LRRC9: variants seen among roughly 807,000 people sequenced by gnomAD.
LRRC9 encodes leucine rich repeat containing 9, also known as leucine-rich repeat-containing protein 9.
A neutral mutation model predicts 63.2 loss-of-function variants in LRRC9; 122 were observed. The observed-to-expected ratio is 1.93, with a 90% CI of 1.67 to 2.24. The LOEUF (loss-of-function observed/expected upper bound fraction) is 2.24. Ranked by LOEUF, LRRC9 falls within the 30% of genes most tolerant of loss-of-function variation. The pLI, the probability that LRRC9 is intolerant of heterozygous loss-of-function variation, is 0.00. For synonymous variants in LRRC9, 366 were observed against 213.1 expected (o/e 1.72, Z -6.25); for missense variants, 1,071 against 627.7 (o/e 1.71, Z -7.55).
At chr14:59,941,770 C>T (rs1881791226) in intron 7 of LRRC9, among the ~76,000 whole-genome samples, 2 of 152,080 alleles carry the variant, frequency 1.3e-5, no homozygotes, top group South Asian at 4.1e-4. Context: ...GGGTAATTAC[C>T]ATATTCATCT....
chr14:59,925,242 T>G (rs983915831), intron 1 of LRRC9, among the ~76,000 whole-genome samples: 2 of 152,184 alleles, frequency 1.3e-5, no homozygotes, highest in Non-Finnish European at 2.9e-5. Flanking sequence ...GCTGCTATAA[T>G]AAAATACCTG....
exon 8 of LRRC9, chr14:59,944,712 C>A: frequency 3.0e-6 from 2 of 673,076 alleles, no homozygotes; most frequent in Non-Finnish European, 5.4e-6. Flanking sequence ...GCCAGAAGAA[C>A]GAGTAAAATT....
At chr14:59,974,502 A>G in intron 12 of LRRC9, 74 bp from the exon 13 acceptor site, 1 of 481,090 alleles carries the variant, frequency 2.1e-6, no homozygotes. Flanking sequence ...AAAATAAAAT[A>G]ATAAACCCTC....
In LRRC9 at chr14:59,932,804, C is replaced by A. The variant is rs532969191; in HGVS notation, c.543+765C>A. On this transcript the variant is annotated intron_variant, in intron 6 of 31. Transcript: ENST00000445360. This position sits in a 1 kb window ranked among gnomAD's most constrained non-coding sequence, Gnocchi z 4.7. ...AATTTTTCCTGTGTTTGTCCTTTCC[C>A]TACTATAGATCTGTTCTCCACACAG... 3.3e-5 allele frequency among the ~76,000 whole-genome samples: 5 copies of A among 152,234 alleles called. No homozygotes were observed. Among genetic ancestry groups the A allele is most frequent in the Admixed American group, 3.3e-4 (5 of 15,268 alleles).
chr14:60,066,584 A>G (rs1440121800), downstream of LRRC9, among the ~76,000 whole-genome samples: 1 of 152,060 alleles, frequency 6.6e-6, no homozygotes, highest in Non-Finnish European at 1.5e-5. Context: ...CTATGTGTTC[A>G]TTTTTCTACA....
chr14:60,026,367 AT>A (rs1380391584), intron 27 of LRRC9, among the ~76,000 whole-genome samples: 6 of 152,040 alleles, frequency 3.9e-5, no homozygotes, highest in Non-Finnish European at 8.8e-5. Context: ...AATGCTGAGC[AT>A]TTTTCCATAT....
intron 13 of LRRC9, 73 bp from the exon 14 acceptor site, chr14:59,977,152 A>C (rs971337417): frequency 6.5e-6 from 4 of 618,512 alleles, no homozygotes; most frequent in Admixed American, 5.8e-5. Flanking sequence ...TCTTGGGCCA[A>C]TAAAGAAGGT....
At chr14:60,045,606 A>T (rs896697768) in intron 29 of LRRC9, among the ~76,000 whole-genome samples, 4 of 152,160 alleles carry the variant, frequency 2.6e-5, no homozygotes, top group Non-Finnish European at 5.9e-5. Context: ...ACATGATCTC[A>T]TTCCTTTTTA....
chr14:60,045,850 A>G (rs1372394551), intron 29 of LRRC9, among the ~76,000 whole-genome samples: 1 of 152,144 alleles, frequency 6.6e-6, no homozygotes, highest in East Asian at 1.9e-4. Context: ...GAATTGCCAC[A>G]CTGTCTTCCA....
chr14:59,999,100 G>T lies in LRRC9; in HGVS notation c.2404-1G>T. 1 of 650,988 alleles carries T rather than the reference G, an allele frequency of 1.5e-6. No homozygotes were observed. Among genetic ancestry groups the T allele is most frequent in the Admixed American group, 2.5e-5 (1 of 40,594 alleles). The allele number at this position is 650,988 out of a possible 1,614,324, so 40.3% of individuals were successfully genotyped here. On this transcript the variant is annotated splice_acceptor_variant, in intron 18 of 31. Coordinates refer to ENST00000445360, the Ensembl canonical transcript of LRRC9. LOFTEE classifies it high-confidence loss of function. ...AAAATTTTTTTTTTGTTTTTCCCAA[G>T]CCAGCCACATTGAGGCTGAGTGTTA...
chr14:59,956,609 T>C (rs1306624380), intron 8 of LRRC9, among the ~76,000 whole-genome samples: 1 of 152,248 alleles, frequency 6.6e-6, no homozygotes, highest in Admixed American at 6.5e-5. Flanking sequence ...AGTCTGTGCC[T>C]TTTAATTGGG....
rs1446593048 is a variant in LRRC9 at position 59,938,871 on chromosome 14, A to G, written c.726+299A>G. Among the ~76,000 whole-genome samples, 1 of 148,522 alleles carries G rather than the reference A, an allele frequency of 6.7e-6. No homozygotes were observed. Among genetic ancestry groups the G allele is most frequent in the Non-Finnish European group, 1.5e-5 (1 of 67,352 alleles). On this transcript the variant is annotated intron_variant, in intron 7 of 31. Transcript: ENST00000445360. This position sits in a 1 kb window ranked among gnomAD's most constrained non-coding sequence, Gnocchi z 4.2. ...AGTGTTAAAAATAGACTAGTGCCAT[A>G]TATATATACACACATATATACACAT...
At chr14:60,065,612 C>T (rs1038140895), downstream of LRRC9, among the ~76,000 whole-genome samples, 3 of 131,146 alleles carry the variant, frequency 2.3e-5, no homozygotes, top group Non-Finnish European at 3.2e-5. Context: ...GGCACCACTG[C>T]ACTCCAGCCT....
chr14:60,047,428 CA>C (rs1400276303), intron 29 of LRRC9, among the ~76,000 whole-genome samples: 1 of 151,956 alleles, frequency 6.6e-6, no homozygotes, highest in African/African-American at 2.4e-5. Context: ...TGCAAAGACA[CA>C]CATAGGCTCA....
At chr14:59,926,244 T>G (rs1352966937) in intron 1 of LRRC9, among the ~76,000 whole-genome samples, 1 of 152,234 alleles carries the variant, frequency 6.6e-6, no homozygotes, top group Non-Finnish European at 1.5e-5. Flanking sequence ...TCAATATTTC[T>G]GGCAATCATT....
At chr14:59,970,402 G>A (rs1002630463) in intron 12 of LRRC9, among the ~76,000 whole-genome samples, 3 of 152,112 alleles carry the variant, frequency 2.0e-5, no homozygotes, top group South Asian at 2.1e-4. Context: ...ATGTATGCAC[G>A]TGTCTTTATG....
In LRRC9 at chr14:59,927,897, A is replaced by T. The variant is rs1204848634; in HGVS notation, c.-33-14A>T. 4.7e-6 allele frequency: 3 copies of T among 639,526 alleles called. No individual in the cohort carries two copies. The highest frequency in any genetic ancestry group is 5.5e-5 in the Admixed American group (2 of 36,266). 39.6% of individuals were successfully genotyped at this position (639,526 alleles called of 1,614,324 possible). A position where few individuals can be genotyped will look rare whatever the true frequency, so the allele number is the denominator to read the frequency against. On this transcript the variant is annotated splice_polypyrimidine_tract_variant and intron_variant, in intron 1 of 31. Transcript: ENST00000445360. The surrounding 1 kb of genome is among the most constrained non-coding windows in gnomAD (Gnocchi z 4.4). ...ACTTTAATATTTATTTCATTTTTTC[A>T]TTTTCCTTAAAAGTTATAATATTAT...
intron 13 of LRRC9, 123 bp from the exon 14 acceptor site, chr14:59,977,102 G>T (rs1458951158): frequency 1.7e-6 from 1 of 571,672 alleles, no homozygotes; most frequent in Admixed American, 3.4e-5. Context: ...TAGCAAACAA[G>T]AGAGCCAGCA....
rs983710062 is a variant in LRRC9 at position 60,003,111 on chromosome 14, T to G, written c.2665-510T>G. Among the ~76,000 whole-genome samples the G allele has an allele frequency of 2.0e-5, 3 of 152,196 alleles. No homozygotes were observed. The South Asian group carries it at 6.2e-4, about 32-fold the overall frequency. On this transcript the variant is annotated intron_variant, in intron 20 of 31. Coordinates refer to ENST00000445360, the Ensembl canonical transcript of LRRC9. The surrounding 1 kb of genome is among the most constrained non-coding windows in gnomAD (Gnocchi z 4.2). ...CATTACTTTTATTACAAGATATATA[T>G]AGATATTGAGCTGCAAATGAAGGCC... is the stretch of plus-strand genomic sequence containing the variant.
Sources: gnomAD v4.1 joint callset for allele counts (sites outside exome capture counted in the v4.1 genomes callset) on GRCh38, gnomAD v4.1.1 for gene constraint, Gnocchi (gnomAD v3.1) non-coding constraint, MANE v1.5 for transcripts, NCBI Gene and HGNC (gene_info 2026-07-23, HGNC 2026-07-21) for gene names.